ZC3H12B: variants seen among roughly 807,000 people sequenced by gnomAD.
ZC3H12B encodes the protein zinc finger CCCH-type containing 12B, also known as probable ribonuclease ZC3H12B.
A neutral mutation model predicts 43.9 loss-of-function variants in ZC3H12B; 7 were observed. The observed-to-expected ratio is 0.16, with a 90% CI of 0.09 to 0.30. The LOEUF (loss-of-function observed/expected upper bound fraction) is 0.30. Ranked by LOEUF, ZC3H12B falls within the 10% of genes least tolerant of loss-of-function variation. ZC3H12B has a pLI of 1.00. For missense variants in ZC3H12B, 475 were observed against 670.2 expected, an observed-to-expected ratio of 0.71 and a Z score of 3.22; for synonymous variants, 222 against 241.7, an observed-to-expected ratio of 0.92 and a Z score of 0.76.
At chrX:65,168,015 A>G in the ZC3H12B span, among the ~76,000 whole-genome samples, 8 of 111,610 alleles carry the variant, frequency 7.2e-5, no homozygotes, top group Middle Eastern at 4.2e-3. Context: ...TTCCTAATTG[A>G]ATACCCTTTG....
At chrX:65,434,031 G>A (rs998481733) in intron 3 of ZC3H12B, among the ~76,000 whole-genome samples, 2 of 111,792 alleles carry the variant, frequency 1.8e-5, no homozygotes, top group Non-Finnish European at 1.9e-5. Context: ...TGTAAGTCAC[G>A]CTATCCTGAT....
At chrX:65,247,988 T>A in the ZC3H12B span, among the ~76,000 whole-genome samples, 2 of 112,160 alleles carry the variant, frequency 1.8e-5, no homozygotes, top group African/African-American at 3.2e-5. Context: ...GTTTGAAAAT[T>A]GACAAAATTG....
the ZC3H12B span, among the ~76,000 whole-genome samples, chrX:65,347,612 A>G: frequency 8.9e-6 from 1 of 112,248 alleles, no homozygotes; most frequent in African/African-American, 3.2e-5. Flanking sequence ...ATGTGGAGAA[A>G]TAGGAACACT....
the ZC3H12B span, among the ~76,000 whole-genome samples, chrX:65,211,355 A>T: frequency 9.2e-6 from 1 of 109,250 alleles, no homozygotes; most frequent in Non-Finnish European, 1.9e-5. Context: ...AAAAATTAAC[A>T]ATAATAAAAT....
At chrX:65,186,369 G>C in the ZC3H12B span, 4 of 108,184 alleles carry the variant, frequency 3.7e-5, no homozygotes, top group Admixed American at 2.0e-4. Context: ...GAGGGCGCCT[G>C]TAATCCCAGC....
At chrX:65,401,615 G>A (rs1233443968) in intron 3 of ZC3H12B, among the ~76,000 whole-genome samples, 1 of 111,972 alleles carries the variant, frequency 8.9e-6, no homozygotes, top group African/African-American at 3.2e-5. Context: ...AGTTAAGGGA[G>A]ATCTGAAATC....
the ZC3H12B span, among the ~76,000 whole-genome samples, chrX:65,334,185 T>G: frequency 8.9e-6 from 1 of 112,286 alleles, no homozygotes; most frequent in South Asian, 3.7e-4. Context: ...AATTTTTTAT[T>G]AAAGATCAGG....
At chrX:65,393,361 C>T (rs1252334289) in intron 2 of ZC3H12B, among the ~76,000 whole-genome samples, 2 of 111,526 alleles carry the variant, frequency 1.8e-5, no homozygotes, top group African/African-American at 6.5e-5. Flanking sequence ...ATACATGTGC[C>T]ATGGTGGTTT....
At chrX:65,085,808 G>A in the ZC3H12B span, among the ~76,000 whole-genome samples, 6 of 110,700 alleles carry the variant, frequency 5.4e-5, no homozygotes, top group African/African-American at 2.0e-4. Context: ...CACATATTTA[G>A]GGATACGTTG....
chrX:65,042,447 T>C, the ZC3H12B span, among the ~76,000 whole-genome samples: 1 of 112,716 alleles, frequency 8.9e-6, no homozygotes, highest in Non-Finnish European at 1.9e-5. Flanking sequence ...ATAAAAACTT[T>C]TGATTTTGAA....
chrX:65,248,675 T>A, the ZC3H12B span, among the ~76,000 whole-genome samples: 1 of 111,734 alleles, frequency 8.9e-6, no homozygotes, highest in Non-Finnish European at 1.9e-5. Flanking sequence ...CATAGTGGTT[T>A]TACTAGTTTA....
the ZC3H12B span, among the ~76,000 whole-genome samples, chrX:65,330,388 C>G: frequency 1.8e-5 from 2 of 111,174 alleles, no homozygotes; most frequent in African/African-American, 6.5e-5. Flanking sequence ...TAATTGAATG[C>G]CCTTTATTTC....
At chrX:65,138,996 C>T in the ZC3H12B span, among the ~76,000 whole-genome samples, 1 of 111,989 alleles carries the variant, frequency 8.9e-6, no homozygotes, top group Non-Finnish European at 1.9e-5. Flanking sequence ...ATTATCCTCT[C>T]ATCAGGTCTA....
intron 3 of ZC3H12B, among the ~76,000 whole-genome samples, chrX:65,439,411 C>T (rs970693345): frequency 5.4e-5 from 6 of 111,694 alleles, no homozygotes; most frequent in African/African-American, 2.0e-4. Context: ...TCAATCTAAA[C>T]ATCCCCTTAT....
the ZC3H12B span, among the ~76,000 whole-genome samples, chrX:65,313,884 A>G: frequency 8.9e-6 from 1 of 112,266 alleles, no homozygotes; most frequent in East Asian, 2.8e-4. Context: ...AAGACTTTAA[A>G]TCAGATATTA....
At chrX:65,358,081 A>T in the ZC3H12B span, among the ~76,000 whole-genome samples, 1 of 111,326 alleles carries the variant, frequency 9.0e-6, no homozygotes, top group African/African-American at 3.3e-5. Flanking sequence ...AAACCAACAA[A>T]GATCAAAAAA....
intron 3 of ZC3H12B, among the ~76,000 whole-genome samples, chrX:65,445,887 C>A (rs1434908847): frequency 8.9e-6 from 1 of 111,892 alleles, no homozygotes; most frequent in East Asian, 2.8e-4. Flanking sequence ...GCTTTTTACT[C>A]TTTCCTCTTC....
chrX:65,494,780 C>CA (rs2068253977), intron 1 of ZC3H12B, among the ~76,000 whole-genome samples: 1 of 93,064 alleles, frequency 1.1e-5, no homozygotes, highest in African/African-American at 4.1e-5. Context: ...GACTCTGTCC[C>CA]AAAAAATAAA....
the ZC3H12B span, among the ~76,000 whole-genome samples, chrX:65,117,095 A>T: frequency 8.9e-6 from 1 of 112,145 alleles, no homozygotes; most frequent in African/African-American, 3.2e-5. Context: ...TGGCTGGGTC[A>T]AATGGTATGT....
Sources: allele counts gnomAD v4.1 joint callset (sites outside exome capture counted in the v4.1 genomes callset), GRCh38; gene constraint gnomAD v4.1.1; transcripts MANE v1.5; gene names NCBI Gene and HGNC (gene_info 2026-07-23, HGNC 2026-07-21).